The following ZNF700 variants were observed in gnomAD, a reference collection of about 807,000 sequenced individuals.
ZNF700 encodes the protein zinc finger protein 700.
A neutral mutation model predicts 65.3 loss-of-function variants in ZNF700; 38 were observed. The ratio of observed to expected loss-of-function variants is 0.58; its 90% confidence interval spans 0.45 to 0.76. ZNF700 has a LOEUF of 0.76. Ranked by LOEUF, ZNF700 falls within the 30% of genes least tolerant of loss-of-function variation. The probability of loss-of-function intolerance (pLI) is 0.00; values close to 1 mark genes in which losing one functional copy is unlikely to be tolerated. For synonymous variants in ZNF700, 285 were observed against 290.4 expected, an observed-to-expected ratio of 0.98 and a Z score of 0.19; for missense variants, 857 against 888.4, an observed-to-expected ratio of 0.96 and a Z score of 0.45.
chr19:11,941,558 C>G (rs1457086033), intron 1 of ZNF700, among the ~76,000 whole-genome samples: 3 of 152,224 alleles, frequency 2.0e-5, no homozygotes, highest in Non-Finnish European at 2.9e-5. Flanking sequence ...CCCTCATTGC[C>G]CAGGGCCAGC....
intron 1 of ZNF700, among the ~76,000 whole-genome samples, chr19:11,926,278 G>A (rs1162523458): frequency 6.6e-6 from 1 of 152,216 alleles, no homozygotes; most frequent in African/African-American, 2.4e-5. Context: ...ATGTGTGGGA[G>A]AGGGTATAAG....
chr19:11,925,336 G>T (rs1483919505), intron 1 of ZNF700, 63 bp downstream of exon 1: 5 of 1,595,698 alleles, frequency 3.1e-6, no homozygotes, highest in Non-Finnish European at 4.3e-6. Context: ...GGCGGGAACC[G>T]GCTGTGGCGG....
chr19:11,939,548 T>G (rs1972847917), intron 1 of ZNF700, among the ~76,000 whole-genome samples: 1 of 152,224 alleles, frequency 6.6e-6, no homozygotes, highest in Admixed American at 6.5e-5. Flanking sequence ...ATGTGTGGTA[T>G]TATTTCTGAG....
intron 1 of ZNF700, among the ~76,000 whole-genome samples, chr19:11,925,540 A>G (rs1972613351): frequency 6.6e-6 from 1 of 152,168 alleles, no homozygotes; most frequent in Non-Finnish European, 1.5e-5. Context: ...CCGCTCCCGC[A>G]GCCCCGCGTC....
chr19:11,935,050 GCCTAT>G (rs1487621917), intron 1 of ZNF700, among the ~76,000 whole-genome samples: 1 of 144,886 alleles, frequency 6.9e-6, no homozygotes, highest in African/African-American at 2.8e-5. Flanking sequence ...GGTGGCGGGC[GCCTAT>G]AGTCCCAGCT....
Position 11,949,480 on chromosome 19 carries a change from G to A in ZNF700, c.1456G>A (p.Val486Met). The change falls in exon 4 of 4, where the codon GTG becomes ATG. Residue 486 changes from valine (V) to methionine (M), a missense_variant. Transcript: ENST00000254321. ...CKECGKAFRY[V>M]KHLQIHERTE... The stretch of plus-strand genomic sequence containing the variant: ...GGAATGTGGGAAAGCCTTCAGATAT[G>A]TGAAGCACCTTCAAATTCATGAAAG... 1 of 1,612,756 alleles carries A rather than the reference G, an allele frequency of 6.2e-7. No individual in the cohort carries two copies. The highest frequency in any genetic ancestry group is 1.1e-5 in the South Asian group (1 of 90,854).
chr19:11,930,727 G>A (rs1024452541), intron 1 of ZNF700, among the ~76,000 whole-genome samples: 1 of 148,206 alleles, frequency 6.7e-6, no homozygotes, highest in Non-Finnish European at 1.5e-5. Context: ...CAGACTGGGT[G>A]TGGTGGCTCA....
intron 1 of ZNF700, among the ~76,000 whole-genome samples, chr19:11,934,448 A>C (rs1972759035): frequency 1.3e-5 from 2 of 148,268 alleles, no homozygotes; most frequent in South Asian, 4.2e-4. Context: ...AGGAAGTGTC[A>C]GTGTTTTGGA....
Position 11,949,675 on chromosome 19 carries a change from C to T in ZNF700, c.1651C>T (p.Leu551Phe), listed in dbSNP as rs757904307. Residue 551 changes from leucine (L) to phenylalanine (F), a missense_variant, in exon 4 of 4, where the codon CTT (leucine) becomes TTT (phenylalanine). By Grantham distance (22) the Leu-to-Phe change is conservative. Transcript: ENST00000254321. ...CGKAFRCCNS[L>F]RYHERTHTGE... ...TAAAGCCTTCAGATGTTGCAATTCC[C>T]TTCGATATCATGAAAGGACTCACAC... 2.5e-6 allele frequency: 4 copies of T among 1,611,474 alleles called. No homozygotes were observed. The highest frequency in any genetic ancestry group is 2.5e-6 in the Non-Finnish European group (3 of 1,179,368).
chr19:11,925,851 C>T (rs372247842), intron 1 of ZNF700, among the ~76,000 whole-genome samples: 1 of 152,202 alleles, frequency 6.6e-6, no homozygotes, highest in Non-Finnish European at 1.5e-5. Context: ...CAACCCCAAG[C>T]AGCCTGGAGT....
At chr19:11,944,665 A>G (rs954788558) in intron 1 of ZNF700, among the ~76,000 whole-genome samples, 5 of 152,224 alleles carry the variant, frequency 3.3e-5, no homozygotes, top group African/African-American at 1.2e-4. Context: ...AATACTTGTT[A>G]TCTTCACATT....
In ZNF700 at chr19:11,949,397, C is replaced by T; in HGVS notation, c.1373C>T (p.Thr458Ile). 1 of 1,612,308 alleles carries T rather than the reference C, an allele frequency of 6.2e-7. No homozygotes were observed. The highest frequency in any genetic ancestry group is 1.1e-5 in the South Asian group (1 of 90,954). The change falls in exon 4 of 4, where the codon ACC becomes ATC. Residue 458 changes from threonine to isoleucine, a missense_variant. By Grantham distance (89) the Thr-to-Ile change is moderately conservative. Coordinates refer to ENST00000254321, the MANE Select transcript of ZNF700 (RefSeq NM_144566.3). ...GAATGTGGGAAAGCCTTCAGATCTACCTCACACCTTCGAGTGCATGGTAGG... is the reference window on the plus strand; with the variant it reads ...GAATGTGGGAAAGCCTTCAGATCTATCTCACACCTTCGAGTGCATGGTAGG... ...CKECGKAFRS[T>I]SHLRVHGRTH...
intron 1 of ZNF700, among the ~76,000 whole-genome samples, chr19:11,931,090 C>T (rs1002095740): frequency 1.4e-5 from 2 of 148,100 alleles, no homozygotes; most frequent in African/African-American, 5.3e-5. Context: ...ATACCACTTT[C>T]TCTTAATTAG....
chr19:11,944,756 C>A (rs1972935115), intron 1 of ZNF700, among the ~76,000 whole-genome samples: 2 of 152,220 alleles, frequency 1.3e-5, no homozygotes, highest in East Asian at 1.9e-4. Context: ...GACGGTTGGA[C>A]CCTGCCTTGC....
intron 1 of ZNF700, among the ~76,000 whole-genome samples, chr19:11,929,120 A>G (rs1972677678): frequency 6.7e-6 from 1 of 148,286 alleles, no homozygotes; most frequent in African/African-American, 2.6e-5. Flanking sequence ...CATTGCTTCA[A>G]GATAATTTAA....
chr19:11,929,569 A>G (rs1244372029), intron 1 of ZNF700, among the ~76,000 whole-genome samples: 2 of 148,444 alleles, frequency 1.3e-5, no homozygotes, highest in African/African-American at 5.3e-5. Flanking sequence ...ATTTCCCTAT[A>G]CATTAGTAAT....
intron 1 of ZNF700, among the ~76,000 whole-genome samples, chr19:11,933,360 A>G (rs1051968968): frequency 2.7e-5 from 4 of 148,380 alleles, no homozygotes; most frequent in Non-Finnish European, 4.4e-5. Flanking sequence ...AAATTGAAGA[A>G]GCCAATATTA....
At chr19:11,945,433 A>T (rs1972944478) in intron 1 of ZNF700, among the ~76,000 whole-genome samples, 1 of 152,160 alleles carries the variant, frequency 6.6e-6, no homozygotes, top group African/African-American at 2.4e-5. Flanking sequence ...CTGGCTTGGG[A>T]ACAGGCAGGA....
intron 1 of ZNF700, among the ~76,000 whole-genome samples, chr19:11,938,015 T>A (rs1972823736): frequency 6.6e-6 from 1 of 152,192 alleles, no homozygotes; most frequent in South Asian, 2.1e-4. Flanking sequence ...ACACTACTCA[T>A]AAATGGGCTA....
Sources: gnomAD v4.1 joint callset for allele counts (sites outside exome capture counted in the v4.1 genomes callset) on GRCh38, gnomAD v4.1.1 for gene constraint, MANE v1.5 for transcripts, NCBI Gene and HGNC (gene_info 2026-07-23, HGNC 2026-07-21) for gene names.